Variants in VPS13C observed in about 807,000 individuals in gnomAD.
The protein encoded by VPS13C is vacuolar protein sorting 13 homolog C, also known as intermembrane lipid transfer protein VPS13C.
Under a neutral mutation model 456.8 loss-of-function variants are expected in VPS13C, and 358 were observed. The observed-to-expected ratio is 0.78, with a 90% confidence interval of 0.72 to 0.86. VPS13C has a LOEUF of 0.86. Ranked by LOEUF, VPS13C falls within the 40% of genes least tolerant of loss-of-function variation. VPS13C has a pLI of 0.00. For missense variants in VPS13C, 4,818 were observed against 4,385.4 expected (o/e 1.10, Z -2.79); for synonymous variants, 1,578 against 1,486.7 (o/e 1.06, Z -1.41).
chr15:61,890,450 A>T, intron 66 of VPS13C, 50 bp from the exon 67 acceptor site: 1 of 1,496,174 alleles, frequency 6.7e-7, no homozygotes, highest in East Asian at 2.4e-5. Context: ...ACTTGTTATT[A>T]TATAAAATTG....
rs114277501 is a variant in VPS13C at position 61,917,535 on chromosome 15, C to T, written c.7861G>A (p.Val2621Ile). Residue 2621 changes from valine to isoleucine, a missense_variant, in exon 60 of 85, where the codon GTC becomes ATC. By Grantham distance (29) the Val-to-Ile change is conservative. This residue lies in a region of VPS13C where 4,552 missense variants were observed against 4,130.6 expected (regional missense o/e 1.10). Coordinates refer to ENST00000644861, the MANE Select transcript of VPS13C (RefSeq NM_020821.3). ...WKEELHRSRE[V>I]RCMLQCPSVE... ...GATGGACACTGCAACATGCATCTGA[C>T]TTCCCTGCTCCTATGAAGTTCTTCC... is the stretch of plus-strand genomic sequence containing the variant. 395 of 1,614,026 alleles carry T rather than the reference C, an allele frequency of 2.4e-4. 5 individuals carry two copies. In the East Asian group the frequency reaches 7.7e-3, roughly 32 times the overall value.
intron 73 of VPS13C, among the ~76,000 whole-genome samples, chr15:61,879,725 G>A (rs1173730165): frequency 6.6e-6 from 1 of 151,900 alleles, no homozygotes; most frequent in Admixed American, 6.6e-5. Context: ...CTTGTTTAAG[G>A]TATTGTTCAA....
intron 9 of VPS13C, among the ~76,000 whole-genome samples, chr15:62,017,607 A>G (rs1173369411): frequency 2.5e-3 from 380 of 151,850 alleles, no homozygotes; most frequent in Non-Finnish European, 4.3e-3. Context: ...GATGTGTGGT[A>G]TTATTTCTGA....
chr15:61,897,793 A>G (rs2042874381), intron 66 of VPS13C, among the ~76,000 whole-genome samples: 1 of 152,222 alleles, frequency 6.6e-6, no homozygotes, highest in Admixed American at 6.5e-5. Flanking sequence ...TCCAAGACAC[A>G]TAATTGTCAG....
chr15:61,874,966 TA>T lies in VPS13C; in HGVS notation c.10339-16del. 2 of 1,531,210 alleles carry T rather than the reference TA, an allele frequency of 1.3e-6. No individual in the cohort carries two copies. The highest frequency in any genetic ancestry group is 1.7e-6 in the Non-Finnish European group (2 of 1,148,184). 94.9% of individuals were successfully genotyped at this position (1,531,210 alleles called of 1,614,324 possible). On this transcript the variant is annotated splice_polypyrimidine_tract_variant and intron_variant, in intron 76 of 84. Transcript: ENST00000644861. Reference sequence around the variant, plus strand: ...TGAACAGCACCCTGGCAAAAAAAAATAAAAAATAATCTTATTATTTAAAATT... The same window carrying T: ...TGAACAGCACCCTGGCAAAAAAAAATAAAAATAATCTTATTATTTAAAATT...
intron 18 of VPS13C, among the ~76,000 whole-genome samples, chr15:61,988,873 A>AC (rs2046139293): frequency 6.6e-6 from 1 of 152,230 alleles, no homozygotes; most frequent in South Asian, 2.1e-4. Flanking sequence ...CTGAATCTTA[A>AC]CCCCAACTTC....
chr15:61,950,508 C>A, intron 40 of VPS13C, 91 bp from the exon 41 acceptor site: 4 of 962,508 alleles, frequency 4.2e-6, no homozygotes, highest in African/African-American at 3.4e-5. Flanking sequence ...TCTAAGTATG[C>A]TATTAAAAGA....
chr15:61,950,522 A>T (rs2044751488), intron 40 of VPS13C, 105 bp from the exon 41 acceptor site: 1 of 903,922 alleles, frequency 1.1e-6, no homozygotes, highest in Non-Finnish European at 1.7e-6. Flanking sequence ...TAAAAGAGTA[A>T]AAAGATATTT....
In VPS13C at chr15:61,922,508, T is replaced by C. The variant is rs2140186862; in HGVS notation, c.6864A>G (p.Glu2288=). 3 of 1,614,094 alleles carry C rather than the reference T, an allele frequency of 1.9e-6. No homozygotes were observed. The East Asian group carries it at 6.7e-5, about 36-fold the overall frequency. Residue 2288 remains glutamate, a synonymous_variant, in exon 54 of 85, where the codon GAA becomes GAG. Transcript: ENST00000644861. The part of the protein sequence containing the change: ...VVVESIQVTL[E]CGLGHRTVPL... ...GTACAGTTCGATGTCCAAGGCCACA[T>C]TCTAAGGTAACTTGAATGGATTCTA... is the stretch of plus-strand genomic sequence containing the variant.
At chr15:61,866,912 G>A in intron 81 of VPS13C, 2 of 983,854 alleles carry the variant, frequency 2.0e-6, no homozygotes, top group Non-Finnish European at 1.2e-6. Context: ...TTTATACTTT[G>A]GCTTCATTTC....
intron 77 of VPS13C, among the ~76,000 whole-genome samples, chr15:61,873,763 G>C (rs1895206725): frequency 6.6e-6 from 1 of 152,016 alleles, no homozygotes; most frequent in South Asian, 2.1e-4. Context: ...ACAGTATGGA[G>C]GCTCCTCAAA....
chr15:62,040,692 C>G (rs1455550346), intron 3 of VPS13C, among the ~76,000 whole-genome samples: 1 of 151,624 alleles, frequency 6.6e-6, no homozygotes, highest in African/African-American at 2.4e-5. Context: ...ACACATGGAC[C>G]ACCTAAATCC....
At chr15:62,023,167 C>T (rs538538260) in intron 8 of VPS13C, among the ~76,000 whole-genome samples, 2 of 151,732 alleles carry the variant, frequency 1.3e-5, no homozygotes, top group South Asian at 4.2e-4. Context: ...AAAAAAATAA[C>T]AGAAGACAAT....
intron 74 of VPS13C, 122 bp downstream of exon 74, chr15:61,878,485 C>G: frequency 7.8e-7 from 1 of 1,286,448 alleles, no homozygotes; most frequent in Non-Finnish European, 1.0e-6. Flanking sequence ...ACCAAATTCT[C>G]CAAATATAAG....
chr15:61,941,740 A>G (rs763851536), intron 46 of VPS13C, 23 bp downstream of exon 46: 23 of 1,569,986 alleles, frequency 1.5e-5, no homozygotes, highest in Non-Finnish European at 1.9e-5. Flanking sequence ...TAAGCAATAC[A>G]CAATTAGATT....
intron 10 of VPS13C, among the ~76,000 whole-genome samples, chr15:62,013,698 T>C (rs2047125080): frequency 1.3e-5 from 2 of 152,048 alleles, no homozygotes; most frequent in Admixed American, 6.6e-5. Flanking sequence ...TCTAATAAAG[T>C]ACCATTTGGG....
rs1053892598 is a variant in VPS13C at position 62,060,429 on chromosome 15, G to A, written c.-55C>T. 8.6e-6 allele frequency: 8 copies of A among 925,336 alleles called. No homozygotes were observed. Among genetic ancestry groups the A allele is most frequent in the South Asian group, 1.4e-5 (1 of 70,862 alleles). The allele number at this position is 925,336 out of a possible 1,614,324, so 57.3% of individuals were successfully genotyped here. On this transcript the variant is annotated 5_prime_UTR_variant, in exon 1 of 85. Transcript: ENST00000644861. ...AGCCGGAACCGCCCGGCGCAGCTGAGGGCTGCGACCAGCGCTGCAAATGAC... is the reference window on the plus strand; with the variant it reads ...AGCCGGAACCGCCCGGCGCAGCTGAAGGCTGCGACCAGCGCTGCAAATGAC...
intron 78 of VPS13C, among the ~76,000 whole-genome samples, chr15:61,872,794 T>A (rs1895133519): frequency 6.6e-6 from 1 of 152,136 alleles, no homozygotes; most frequent in Non-Finnish European, 1.5e-5. Context: ...ATAAGAATAT[T>A]CATACATCAC....
chr15:61,859,495 C>T (rs1455422846), intron 82 of VPS13C, among the ~76,000 whole-genome samples: 2 of 152,138 alleles, frequency 1.3e-5, no homozygotes, highest in African/African-American at 4.8e-5. Context: ...AACACCCTAC[C>T]ATCCAGCCAT....
Sources: allele counts gnomAD v4.1 joint callset (sites outside exome capture counted in the v4.1 genomes callset), GRCh38; gene constraint gnomAD v4.1.1; regional missense constraint gnomAD v4.1.1; transcripts MANE v1.5; gene names NCBI Gene and HGNC (gene_info 2026-07-23, HGNC 2026-07-21).